Variants in VPS8 observed in about 807,000 individuals in gnomAD.
VPS8 encodes VPS8 subunit of CORVET complex, also known as vacuolar protein sorting-associated protein 8 homolog.
Under a neutral mutation model 216.4 loss-of-function variants are expected in VPS8, and 129 were observed. That is an observed-to-expected ratio of 0.60 (90% CI 0.52 to 0.69). The LOEUF (loss-of-function observed/expected upper bound fraction) is 0.69. VPS8 is among the 30% of genes least tolerant of loss of function. The pLI, the probability that VPS8 is intolerant of heterozygous loss-of-function variation, is 0.00. For synonymous variants in VPS8, 571 were observed against 565.4 expected, an observed-to-expected ratio of 1.01 and a Z score of -0.14; for missense variants, 1,531 against 1,683.5, an observed-to-expected ratio of 0.91 and a Z score of 1.59.
At chr3:184,962,694 C>G (rs1746723926) in intron 37 of VPS8, among the ~76,000 whole-genome samples, 1 of 148,574 alleles carries the variant, frequency 6.7e-6, no homozygotes, top group East Asian at 2.0e-4. Context: ...TTAGTGACTT[C>G]TGTTTTAGTT....
At chr3:184,966,820 C>A in intron 39 of VPS8, 107 bp downstream of exon 39, 1 of 712,004 alleles carries the variant, frequency 1.4e-6, no homozygotes, top group Non-Finnish European at 2.2e-6. Context: ...TGCATATATG[C>A]ATAATTACTG....
intron 8 of VPS8, among the ~76,000 whole-genome samples, chr3:184,845,086 T>C: frequency 6.6e-6 from 1 of 152,236 alleles, no homozygotes; most frequent in East Asian, 1.9e-4. Flanking sequence ...TTAGATATGC[T>C]GTTAATTTAA....
chr3:185,018,512 C>T (rs543391964), intron 45 of VPS8, among the ~76,000 whole-genome samples: 5 of 152,264 alleles, frequency 3.3e-5, no homozygotes, highest in Non-Finnish European at 5.9e-5. Context: ...TGGGCCTGGG[C>T]GTTGCAAGCA....
At chr3:184,920,422 G>A (rs896136829) in intron 29 of VPS8, among the ~76,000 whole-genome samples, 3 of 152,170 alleles carry the variant, frequency 2.0e-5, no homozygotes, top group African/African-American at 7.2e-5. Context: ...GGAATAGAGG[G>A]CACTACTGTG....
chr3:184,930,516 A>G lies in VPS8; in HGVS notation c.2846A>G (p.His949Arg). ...YIHNILSIPG[H>R]SAEEKQSVWQ... ...CACAATATCTTATCCATTCCCGGAC[A>G]CAGTGCAGAGGAGAAGCAGTCTGTA... is the stretch of plus-strand genomic sequence containing the variant. Residue 949 changes from histidine to arginine, a missense_variant, in exon 34 of 48, where the codon CAC becomes CGC. Transcript: ENST00000625842. 1 of 1,613,594 alleles carries G rather than the reference A, an allele frequency of 6.2e-7. No homozygotes were observed. The highest frequency in any genetic ancestry group is 8.5e-7 in the Non-Finnish European group (1 of 1,179,556).
At position 184,867,573 on chromosome 3, in the gene VPS8, C is replaced by T. The variant is rs543244573; in HGVS notation, c.1471-451C>T. ...TTTAATGTGAGTTCTAGGCCAGATG[C>T]GTTGCCTCACACCTGTAATCCCAGC... On this transcript the variant is annotated intron_variant, in intron 17 of 47. Transcript: ENST00000625842. Among the ~76,000 whole-genome samples, 146 of 152,254 alleles carry T rather than the reference C, an allele frequency of 9.6e-4. 2 individuals are homozygous for T. In the South Asian group the frequency reaches 0.029, roughly 31 times the overall value.
In VPS8 at chr3:184,824,796, C is replaced by G. The variant is rs1026974998; in HGVS notation, c.153+11C>G. 2 of 1,590,606 alleles carry G rather than the reference C, an allele frequency of 1.3e-6. No homozygotes were observed. Among genetic ancestry groups the G allele is most frequent in the Non-Finnish European group, 8.6e-7 (1 of 1,167,126 alleles). ...TTCAAAAATGATCTGGTAAAAATTT[C>G]AATTTCTGTCAAGTGATAATGTTTA... On this transcript the variant is annotated intron_variant, in intron 2 of 47. Coordinates refer to ENST00000625842, the MANE Select transcript of VPS8 (RefSeq NM_001009921.3).
intron 21 of VPS8, among the ~76,000 whole-genome samples, chr3:184,875,056 C>CTTTTTTTTT (rs5855044): frequency 2.0e-5 from 2 of 100,290 alleles, no homozygotes; most frequent in Middle Eastern, 4.8e-3. Flanking sequence ...GTTTTTAAAA[C>CTTTTTTTTT]TTTTTTTTTT....
intron 18 of VPS8, among the ~76,000 whole-genome samples, chr3:184,868,745 T>C (rs1727814826): frequency 6.6e-6 from 1 of 152,232 alleles, no homozygotes; most frequent in African/African-American, 2.4e-5. Flanking sequence ...GCCCCGTGGC[T>C]CTCTATACTA....
At chr3:185,010,050 CAAAG>C (rs1754801919) in intron 45 of VPS8, among the ~76,000 whole-genome samples, 2 of 147,284 alleles carry the variant, frequency 1.4e-5, no homozygotes, top group African/African-American at 5.0e-5. Context: ...CCCAGACTCA[CAAAG>C]AGCCAGAAAT....
intron 21 of VPS8, among the ~76,000 whole-genome samples, chr3:184,882,192 A>G (rs1409846512): frequency 6.6e-6 from 1 of 152,082 alleles, no homozygotes; most frequent in Non-Finnish European, 1.5e-5. Flanking sequence ...TATGAAGTAT[A>G]ATATTAGCTG....
intron 21 of VPS8, among the ~76,000 whole-genome samples, chr3:184,884,092 C>G (rs1730750176): frequency 6.6e-6 from 1 of 151,846 alleles, no homozygotes; most frequent in Non-Finnish European, 1.5e-5. Flanking sequence ...TTTTTTTATA[C>G]TTTAAGTTCT....
In VPS8 at chr3:184,824,663, G is replaced by A. The variant is rs925507839; in HGVS notation, c.31G>A (p.Glu11Lys). 6.2e-7 allele frequency: 1 copy of A among 1,613,884 alleles called. No individual in the cohort carries two copies. The highest frequency in any genetic ancestry group is 1.3e-5 in the African/African-American group (1 of 75,020). MENEPDHENV[E>K]QSLCAKTSEE... ...AAATGAACCAGACCATGAAAATGTG[G>A]AACAGAGCCTCTGTGCCAAGACGAG... Residue 11 changes from glutamate to lysine, a missense_variant, in exon 2 of 48, where the codon GAA (glutamate) becomes AAA (lysine). Physicochemically the swap from Glu to Lys is moderately conservative, Grantham distance 56. Around this residue, in one of 3 missense-constraint regions of VPS8, gnomAD observed 199 missense variants for 182.2 expected, o/e 1.09. Transcript: ENST00000625842.
At chr3:184,825,915 A>T (rs1718667235) in intron 2 of VPS8, among the ~76,000 whole-genome samples, 1 of 151,780 alleles carries the variant, frequency 6.6e-6, no homozygotes, top group East Asian at 1.9e-4. Flanking sequence ...AAAAAAAAAA[A>T]GTGTTCTGGA....
chr3:184,819,226 CATTT>C lies in VPS8; in HGVS notation c.-88-5316_-88-5313del, dbSNP rs34019982. On this transcript the variant is annotated intron_variant, in intron 1 of 47. Transcript: ENST00000625842. ...CTTATGTCTGAACTATTAAAATACTCATTTATCAGCACTCAGAAGAGACAGCATA... is the reference window on the plus strand; with the variant it reads ...CTTATGTCTGAACTATTAAAATACTCATCAGCACTCAGAAGAGACAGCATA... 9.9e-3 allele frequency among the ~76,000 whole-genome samples: 1,507 copies of C among 152,030 alleles called. 14 individuals carry two copies. The highest frequency in any genetic ancestry group is 0.018 in the Non-Finnish European group (1,218 of 68,006).
rs183774084 is a variant in VPS8, at chr3:185,016,340, A to T, written c.4003-7996A>T. On this transcript the variant is annotated intron_variant, in intron 45 of 47. Coordinates refer to ENST00000625842, the MANE Select transcript of VPS8 (RefSeq NM_001009921.3). ...ATCGAATTTTGCAAGTGATCATAACATTGGAGTAATATTTCTCGAATGGGG... is the reference window on the plus strand; with the variant it reads ...ATCGAATTTTGCAAGTGATCATAACTTTGGAGTAATATTTCTCGAATGGGG... Among the ~76,000 whole-genome samples, 549 of 152,334 alleles carry T rather than the reference A, an allele frequency of 3.6e-3. 3 individuals carry two copies. Among genetic ancestry groups the T allele is most frequent in the African/African-American group, 0.013 (527 of 41,558 alleles).
chr3:184,915,146 G>A lies in VPS8; in HGVS notation c.2262+93G>A, dbSNP rs1446616461. 3 of 1,435,600 alleles carry A rather than the reference G, an allele frequency of 2.1e-6. No homozygotes were observed. The African/African-American group carries it at 4.2e-5, about 20-fold the overall frequency. 88.9% of individuals were successfully genotyped at this position (1,435,600 alleles called of 1,614,324 possible). On this transcript the variant is annotated intron_variant, in intron 27 of 47. Coordinates refer to ENST00000625842, the MANE Select transcript of VPS8 (RefSeq NM_001009921.3). ...GCAGTTGAGGCTTACACGTGGGTCA[G>A]GAGCTATCACCTGTTGCAGGAGAGA...
chr3:184,884,543 GGT>G (rs1200951985), intron 21 of VPS8, among the ~76,000 whole-genome samples: 2 of 152,074 alleles, frequency 1.3e-5, no homozygotes, highest in Non-Finnish European at 2.9e-5. Context: ...ACAGATTCTT[GGT>G]GAGTATAAAT....
At chr3:184,981,522 C>CTCCCAGG (rs1331907929) in intron 40 of VPS8, among the ~76,000 whole-genome samples, 5 of 150,658 alleles carry the variant, frequency 3.3e-5, no homozygotes, top group Admixed American at 2.7e-4. Flanking sequence ...CAACCTCCGC[C>CTCCCAGG]TCCCAGGTAC....
Sources: allele counts gnomAD v4.1 joint callset (sites outside exome capture counted in the v4.1 genomes callset), GRCh38; gene constraint gnomAD v4.1.1; regional missense constraint gnomAD v4.1.1; transcripts MANE v1.5; gene names NCBI Gene and HGNC (gene_info 2026-07-23, HGNC 2026-07-21).